Variants in NRG3 observed in about 807,000 individuals in gnomAD.
NRG3 encodes the protein neuregulin 3, also known as pro-neuregulin-3, membrane-bound isoform.
Under a neutral mutation model 66.9 loss-of-function variants are expected in NRG3, and 31 were observed. That is an observed-to-expected ratio of 0.46 (90% CI 0.35 to 0.63). The LOEUF is 0.63. Among genes scored for constraint, NRG3 ranks in the 20% least tolerant of loss-of-function variants. The pLI is 0.00. For synonymous variants in NRG3, 393 were observed against 359.4 expected, an observed-to-expected ratio of 1.09 and a Z score of -1.06; for missense variants, 910 against 878.9, an observed-to-expected ratio of 1.04 and a Z score of -0.45.
chr10:82,108,874 A>G lies in NRG3; in HGVS notation c.823+232711A>G, dbSNP rs549871171. On this transcript the variant is annotated intron_variant, in intron 1 of 8. Transcript: ENST00000372141. ...ATATGGTATATTTATATTTACCCAG[A>G]GTGGCCTCTGATCCAATCTCCTTAT... Among the ~76,000 whole-genome samples the G allele has an allele frequency of 3.3e-5, 5 of 152,296 alleles. No individual in the cohort carries two copies. The East Asian group carries it at 9.7e-4, about 29-fold the overall frequency.
At chr10:82,454,961 A>G (rs1484058064) in intron 2 of NRG3, among the ~76,000 whole-genome samples, 3 of 152,238 alleles carry the variant, frequency 2.0e-5, no homozygotes, top group Non-Finnish European at 4.4e-5. Context: ...ATCTCCATTT[A>G]TAATGAGGAA....
chr10:82,237,906 G>A (rs1178404229), intron 1 of NRG3, among the ~76,000 whole-genome samples: 1 of 152,042 alleles, frequency 6.6e-6, no homozygotes, highest in East Asian at 1.9e-4. Context: ...AAAGAGCTTG[G>A]AGAATTCTCT....
intron 1 of NRG3, among the ~76,000 whole-genome samples, chr10:82,264,417 C>T (rs1468227679): frequency 1.3e-5 from 2 of 152,064 alleles, no homozygotes; most frequent in African/African-American, 4.8e-5. Flanking sequence ...CCCACTCCCG[C>T]CCCGCCCGAT....
chr10:82,393,404 A>T (rs1036564524), intron 2 of NRG3, among the ~76,000 whole-genome samples: 1 of 152,178 alleles, frequency 6.6e-6, no homozygotes, highest in African/African-American at 2.4e-5. Flanking sequence ...AGCTCTGTGT[A>T]CAGTTAGCAT....
In NRG3 at chr10:82,336,530, T is replaced by TTTTC; in HGVS notation, c.824-22206_824-22205insCTTT. Among the ~76,000 whole-genome samples, 7 of 91,976 alleles carry TTTTC rather than the reference T, an allele frequency of 7.6e-5. No homozygotes were observed. The African/African-American group carries it at 8.0e-4, about 11-fold the overall frequency. 60.3% of individuals were successfully genotyped at this position (91,976 alleles called of 152,430 possible). A position where few individuals can be genotyped will look rare whatever the true frequency, so the allele number is the denominator to read the frequency against. On this transcript the variant is annotated intron_variant, in intron 1 of 8. Transcript: ENST00000372141. ...ATCTTTCTTTCTTTCTTTTCTTTTC[T>TTTTC]TTTTTTTTTTTTTTTACAGTCTTGT... is the stretch of plus-strand genomic sequence containing the variant.
intron 2 of NRG3, among the ~76,000 whole-genome samples, chr10:82,479,146 A>T (rs1842023672): frequency 6.6e-6 from 1 of 152,164 alleles, no homozygotes; most frequent in African/African-American, 2.4e-5. Context: ...TGTAAAAATC[A>T]ATCAGACTTG....
intron 4 of NRG3, among the ~76,000 whole-genome samples, chr10:82,897,361 G>A (rs1041490538): frequency 6.6e-6 from 1 of 152,070 alleles, no homozygotes; most frequent in Non-Finnish European, 1.5e-5. Context: ...CCAGATGAAA[G>A]GTAAAATACA....
intron 1 of NRG3, among the ~76,000 whole-genome samples, chr10:82,222,332 G>A (rs79755905): frequency 0.01 from 1,572 of 150,662 alleles, 11 homozygotes; most frequent in Non-Finnish European, 0.018. Flanking sequence ...AGGAGTTAAC[G>A]CCGATTGTGA....
chr10:82,833,626 G>A (rs1443662890), intron 3 of NRG3, among the ~76,000 whole-genome samples: 1 of 152,166 alleles, frequency 6.6e-6, no homozygotes, highest in Admixed American at 6.6e-5. Flanking sequence ...CAGCATAGTA[G>A]GCCAATCTAG....
At chr10:81,897,856 A>T (rs1047004679) in intron 1 of NRG3, among the ~76,000 whole-genome samples, 1 of 152,152 alleles carries the variant, frequency 6.6e-6, no homozygotes, top group Non-Finnish European at 1.5e-5. Flanking sequence ...GTGACAGGGA[A>T]ATTCTTGTAG....
chr10:82,466,352 G>T (rs1222291755), intron 2 of NRG3, among the ~76,000 whole-genome samples: 2 of 152,126 alleles, frequency 1.3e-5, no homozygotes, highest in Non-Finnish European at 2.9e-5. Context: ...AGGGAGAGGG[G>T]ATCTCTGAAG....
chr10:81,982,162 C>G (rs866056141), intron 1 of NRG3, among the ~76,000 whole-genome samples: 1 of 152,160 alleles, frequency 6.6e-6, no homozygotes, highest in Admixed American at 6.5e-5. Flanking sequence ...ACACTTTGCT[C>G]AGAAATTATT....
intron 4 of NRG3, among the ~76,000 whole-genome samples, chr10:82,865,856 C>T (rs1840672676): frequency 1.3e-5 from 2 of 152,144 alleles, no homozygotes; most frequent in Non-Finnish European, 2.9e-5. Context: ...TAAATTTTTA[C>T]TTCTAAGTCC....
chr10:82,362,557 T>G lies in NRG3; in HGVS notation c.953+3689T>G, dbSNP rs1238141916. 4.7e-3 allele frequency among the ~76,000 whole-genome samples: 678 copies of G among 144,472 alleles called. 18 individuals carry two copies. Among genetic ancestry groups the G allele is most frequent in the African/African-American group, 0.017 (647 of 38,838 alleles). 94.8% of individuals were successfully genotyped at this position (144,472 alleles called of 152,430 possible). A position where few individuals can be genotyped will look rare whatever the true frequency, so the allele number is the denominator to read the frequency against. On this transcript the variant is annotated intron_variant, in intron 2 of 8. Coordinates refer to ENST00000372141, the MANE Select transcript of NRG3 (RefSeq NM_001010848.4). ...CCCAGATAATTTCTGGGTTTTTTTT[T>G]TTTTTTTTTTTTCGTAGAAATGGGG...
chr10:82,717,562 G>T (rs1246149387), intron 2 of NRG3, among the ~76,000 whole-genome samples: 2 of 151,906 alleles, frequency 1.3e-5, no homozygotes, highest in African/African-American at 2.4e-5. Flanking sequence ...ACCACGCTTG[G>T]TTAATTTTTT....
chr10:82,792,108 T>G (rs752904348), intron 3 of NRG3, among the ~76,000 whole-genome samples: 2 of 152,204 alleles, frequency 1.3e-5, no homozygotes, highest in Non-Finnish European at 2.9e-5. Context: ...AAACACTCCT[T>G]AGATTGTTAC....
intron 3 of NRG3, among the ~76,000 whole-genome samples, chr10:82,798,281 G>A (rs2060887721): frequency 6.6e-6 from 1 of 152,086 alleles, no homozygotes; most frequent in African/African-American, 2.4e-5. Context: ...AAGAATAAAG[G>A]AAACACAATT....
At chr10:82,041,810 ATCTC>A (rs71007288) in intron 1 of NRG3, among the ~76,000 whole-genome samples, 3 of 94,068 alleles carry the variant, frequency 3.2e-5, no homozygotes, top group African/African-American at 8.7e-5. Context: ...TGGTCTACTG[ATCTC>A]TCTCTCTCTC....
At chr10:82,268,102 T>G (rs1320176720) in intron 1 of NRG3, among the ~76,000 whole-genome samples, 1 of 152,150 alleles carries the variant, frequency 6.6e-6, no homozygotes, top group Admixed American at 6.6e-5. Flanking sequence ...CACACGTTCT[T>G]CTAGAGTTCA....
Sources: allele counts gnomAD v4.1 joint callset (sites outside exome capture counted in the v4.1 genomes callset), GRCh38; gene constraint gnomAD v4.1.1; transcripts MANE v1.5; gene names NCBI Gene and HGNC (gene_info 2026-07-23, HGNC 2026-07-21).